Variants in F11R observed in about 807,000 individuals in gnomAD.
The protein encoded by F11R is junctional adhesion molecule A.
In F11R, 27 loss-of-function variants were observed where a neutral mutation model predicts 39.3. The ratio of observed to expected loss-of-function variants is 0.69; its 90% CI spans 0.51 to 0.95. F11R has a LOEUF of 0.95. F11R is among the 40% of genes least tolerant of loss of function. The pLI is 0.00. For missense variants in F11R, 335 were observed against 372.7 expected, an observed-to-expected ratio of 0.90 and a Z score of 0.83; for synonymous variants, 131 against 144.9, an observed-to-expected ratio of 0.90 and a Z score of 0.69.
chr1:160,999,590 C>T, intron 7 of F11R, 50 bp downstream of exon 7: 1 of 1,540,230 alleles, frequency 6.5e-7, no homozygotes, highest in Non-Finnish European at 9.0e-7. Context: ...CCATGCCAGG[C>T]CCTGGGATGG....
intron 1 of F11R, among the ~76,000 whole-genome samples, chr1:161,009,055 A>G (rs1438156651): frequency 6.6e-6 from 1 of 152,096 alleles, no homozygotes; most frequent in African/African-American, 2.4e-5. Context: ...AAACTACTTA[A>G]AATTCCTAGC....
chr1:161,006,929 C>T (rs562814312), intron 1 of F11R, among the ~76,000 whole-genome samples: 59 of 152,130 alleles, frequency 3.9e-4, no homozygotes, highest in African/African-American at 1.2e-3. Context: ...CTTTAGGAGG[C>T]GAAGCAGGTG....
At chr1:161,018,525 T>A (rs1453734475) in intron 1 of F11R, among the ~76,000 whole-genome samples, 1 of 152,204 alleles carries the variant, frequency 6.6e-6, no homozygotes, top group Non-Finnish European at 1.5e-5. Context: ...GGATAACAGC[T>A]GCCCAAAAAT....
intron 8 of F11R, 120 bp from the exon 9 acceptor site, chr1:160,999,211 G>A (rs1280385124): frequency 1.4e-6 from 2 of 1,386,448 alleles, no homozygotes; most frequent in Admixed American, 2.0e-5. Context: ...CAGCAGACAG[G>A]TATGGGTGGG....
rs957047305 is a variant in F11R, at chr1:160,995,412, G to A, written c.*3459C>T. 2.0e-5 allele frequency: 3 copies of A among 152,138 alleles called. No homozygotes were observed. The highest frequency in any genetic ancestry group is 6.6e-5 in the Admixed American group (1 of 15,246). 9.4% of individuals were successfully genotyped at this position (152,138 alleles called of 1,614,324 possible). ...AAACAGTGTTGGTCAAAGGGTACAC[G>A]CTTTCAGTTACAAGATGAACAAGTT... On this transcript the variant is annotated 3_prime_UTR_variant, in exon 10 of 10. Coordinates refer to ENST00000368026, the MANE Select transcript of F11R (RefSeq NM_016946.6).
In F11R at chr1:161,015,407, A is replaced by ATATATAT. The variant is rs1553211260; in HGVS notation, c.64+5602_64+5603insATATATA. 4.6e-3 allele frequency among the ~76,000 whole-genome samples: 631 copies of ATATATAT among 136,154 alleles called. 4 individuals carry two copies. The highest frequency in any genetic ancestry group is 0.017 in the African/African-American group (603 of 36,514). 89.3% of individuals were successfully genotyped at this position (136,154 alleles called of 152,430 possible). On this transcript the variant is annotated intron_variant, in intron 1 of 9. Transcript: ENST00000368026. ...AGCCAGACTCCATCTCAAAAAAAAA[A>ATATATAT]ATATATATATATATATATATACACA...
Position 160,998,876 on chromosome 1 carries a change from C to G in F11R, c.895G>C (p.Val299Leu). ...AGGCGGTGAGCCGACCAGGCTCACA[C>G]CAGGAATGACGAGGTCTGTTTGAAT... is the stretch of plus-strand genomic sequence containing the variant. The part of the protein sequence containing the change: ...GEFKQTSSFL[V>L] The change falls in exon 10 of 10, where the codon GTG becomes CTG. Residue 299 changes from valine (V) to leucine (L), a missense_variant. Val to Leu is a conservative substitution (Grantham distance 32). Transcript: ENST00000368026. 1 of 1,614,150 alleles carries G rather than the reference C, an allele frequency of 6.2e-7. No homozygotes were observed. Among genetic ancestry groups the G allele is most frequent in the Non-Finnish European group, 8.5e-7 (1 of 1,180,020 alleles).
chr1:161,019,613 G>C (rs1010894689), intron 1 of F11R, among the ~76,000 whole-genome samples: 1 of 148,358 alleles, frequency 6.7e-6, no homozygotes, highest in Non-Finnish European at 1.5e-5. Context: ...AAAAAAAAAA[G>C]AGGGAGACAT....
chr1:161,015,071 C>A (rs1321949541), intron 1 of F11R, among the ~76,000 whole-genome samples: 1 of 144,104 alleles, frequency 6.9e-6, no homozygotes, highest in African/African-American at 2.6e-5. Context: ...GAGCAAGACT[C>A]CATCTCAAAA....
intron 1 of F11R, among the ~76,000 whole-genome samples, chr1:161,016,102 C>T (rs1453739046): frequency 4.6e-5 from 7 of 152,068 alleles, no homozygotes; most frequent in Non-Finnish European, 8.8e-5. Flanking sequence ...CTTTGGAAAG[C>T]CTAGGCAAGA....
intron 1 of F11R, among the ~76,000 whole-genome samples, chr1:161,017,816 G>A (rs185865778): frequency 6.3e-4 from 96 of 152,238 alleles, no homozygotes; most frequent in Non-Finnish European, 8.1e-4. Flanking sequence ...ACCAGTCTAC[G>A]GTTTTGAGGT....
In F11R at chr1:161,007,088, T is replaced by C. The variant is rs1243617658; in HGVS notation, c.65-5735A>G. ...TGGGAGGCTGAGGCAGGAGAATCGC[T>C]TGAACCTGGGAAGCAGAGGTTGCAG... is the stretch of plus-strand genomic sequence containing the variant. On this transcript the variant is annotated intron_variant, in intron 1 of 9. Coordinates refer to ENST00000368026, the MANE Select transcript of F11R (RefSeq NM_016946.6). Among the ~76,000 whole-genome samples, 4 of 151,398 alleles carry C rather than the reference T, an allele frequency of 2.6e-5. No homozygotes were observed. The East Asian group carries it at 5.8e-4, about 22-fold the overall frequency.
Position 160,998,847 on chromosome 1 carries a change from T to G in F11R, c.*24A>C. The G allele has an allele frequency of 6.2e-7, 1 of 1,613,718 alleles. No individual in the cohort carries two copies. The highest frequency in any genetic ancestry group is 1.7e-4 in the Middle Eastern group (1 of 6,060). ...AGCACCTGAGTAAGGCAAATGCAGA[T>G]GATAGGCGGTGAGCCGACCAGGCTC... On this transcript the variant is annotated 3_prime_UTR_variant, in exon 10 of 10. Coordinates refer to ENST00000368026, the MANE Select transcript of F11R (RefSeq NM_016946.6).
Position 160,999,079 on chromosome 1 carries a change from C to A in F11R, c.828G>T (p.Lys276Asn), listed in dbSNP as rs1314926171. The change falls in exon 9 of 10, where the codon AAG becomes AAT. Residue 276 changes from lysine to asparagine, a missense_variant. Transcript: ENST00000368026. ...FDRTKKGTSS[K>N]KVIYSQPSAR... ...CACTAGGCTGGCTGTAAATCACCTTCTTACTCGAAGTCCTGTGAACAAGCC... is the reference window on the plus strand; with the variant it reads ...CACTAGGCTGGCTGTAAATCACCTTATTACTCGAAGTCCTGTGAACAAGCC... 2 of 1,614,248 alleles carry A rather than the reference C, an allele frequency of 1.2e-6. No individual in the cohort carries two copies. The highest frequency in any genetic ancestry group is 1.7e-6 in the Non-Finnish European group (2 of 1,180,030).
In F11R at chr1:161,012,005, C is replaced by T. The variant is rs556995441; in HGVS notation, c.64+9005G>A. 5.9e-5 allele frequency among the ~76,000 whole-genome samples: 9 copies of T among 152,236 alleles called. No homozygotes were observed. In the South Asian group the frequency reaches 1.9e-3, roughly 32 times the overall value. On this transcript the variant is annotated intron_variant, in intron 1 of 9. Transcript: ENST00000368026. Reference sequence around the variant, plus strand: ...TTTGTACTTTGTTGACAGCCCCTGGCACACGCTGCTCTGTACTCTACCTAG... The same window carrying T: ...TTTGTACTTTGTTGACAGCCCCTGGTACACGCTGCTCTGTACTCTACCTAG...
At chr1:161,004,012 C>T (rs1648650994) in intron 1 of F11R, among the ~76,000 whole-genome samples, 2 of 152,228 alleles carry the variant, frequency 1.3e-5, no homozygotes, top group Non-Finnish European at 1.5e-5. Flanking sequence ...GATCCACCCG[C>T]CCTGGCCTCC....
chr1:161,003,583 TG>T (rs1227381008), intron 1 of F11R, among the ~76,000 whole-genome samples: 3 of 151,466 alleles, frequency 2.0e-5, no homozygotes, highest in African/African-American at 4.8e-5. Context: ...TTTTTTCTTT[TG>T]TTTTTTTGTT....
intron 1 of F11R, among the ~76,000 whole-genome samples, chr1:161,009,519 A>C (rs1649010763): frequency 6.6e-6 from 1 of 152,140 alleles, no homozygotes; most frequent in African/African-American, 2.4e-5. Flanking sequence ...TATAACACTG[A>C]GGATGTAATT....
intron 1 of F11R, among the ~76,000 whole-genome samples, chr1:161,014,259 T>C (rs916183079): frequency 9.2e-5 from 14 of 152,220 alleles, no homozygotes; most frequent in Non-Finnish European, 2.1e-4. Flanking sequence ...CTCATTATTA[T>C]CACATAAAAT....
Sources: gnomAD v4.1 joint callset for allele counts (sites outside exome capture counted in the v4.1 genomes callset) on GRCh38, gnomAD v4.1.1 for gene constraint, MANE v1.5 for transcripts, NCBI Gene and HGNC (gene_info 2026-07-23, HGNC 2026-07-21) for gene names.